FDXR: variants seen among roughly 807,000 people sequenced by gnomAD.
FDXR encodes the protein ferredoxin reductase.
Under a neutral mutation model 58.3 loss-of-function variants are expected in FDXR, and 38 were observed. That is an observed-to-expected ratio of 0.65 (90% CI 0.50 to 0.85). The LOEUF is 0.85. FDXR is among the 40% of genes least tolerant of loss of function. The probability of loss-of-function intolerance (pLI) is 0.00; values close to 1 mark genes in which losing one functional copy is unlikely to be tolerated. For synonymous variants in FDXR, 275 were observed against 273.8 expected (o/e 1.00, Z -0.04); for missense variants, 624 against 671.0 (o/e 0.93, Z 0.77).
chr17:74,866,866 G>T lies in FDXR; in HGVS notation c.188C>A (p.Ala63Asp). The stretch of plus-strand genomic sequence containing the variant: ...CTGTTTCTCGTAGATGTCCACGTGG[G>T]CCTGGGGGTGCTGCTGGGGAACAGG... ...TAQHLLKHPQ[A>D]HVDIYEKQPV... Residue 63 changes from alanine to aspartate, a missense_variant, in exon 3 of 12, where the codon GCC becomes GAC. Physicochemically the swap from Ala to Asp is moderately radical, Grantham distance 126. Transcript: ENST00000293195. The T allele has an allele frequency of 6.2e-7, 1 of 1,613,818 alleles. No individual in the cohort carries two copies. Among genetic ancestry groups the T allele is most frequent in the Non-Finnish European group, 8.5e-7 (1 of 1,179,920 alleles).
In FDXR at chr17:74,872,144, G is replaced by C; in HGVS notation, c.80-11C>G. The C allele has an allele frequency of 6.2e-7, 1 of 1,604,796 alleles. No individual in the cohort carries two copies. The highest frequency in any genetic ancestry group is 8.5e-7 in the Non-Finnish European group (1 of 1,174,880). ...AATGGTGGCAGAAGCCTGGGGCCAG[G>C]CAGAGGAGAGGGAAAAGGTCAAAAT... On this transcript the variant is annotated splice_polypyrimidine_tract_variant and intron_variant, in intron 1 of 11. Transcript: ENST00000293195.
chr17:74,865,670 C>T (rs772258205), intron 6 of FDXR, 49 bp downstream of exon 6: 2 of 1,336,036 alleles, frequency 1.5e-6, no homozygotes, highest in Non-Finnish European at 2.1e-6. Flanking sequence ...GCACTCTCTC[C>T]TCAGGGTGAC....
rs763331014 is a variant in FDXR at position 74,864,210 on chromosome 17, C to A, written c.940G>T (p.Val314Leu). 31 of 1,610,436 alleles carry A rather than the reference C, an allele frequency of 1.9e-5. No individual in the cohort carries two copies. The East Asian group carries it at 4.9e-4, about 26-fold the overall frequency. Residue 314 changes from valine to leucine, a missense_variant, in exon 9 of 12, where the codon GTG becomes TTG. Transcript: ENST00000293195. ...CGCCGCCCATCTGGTGAGGGCAGCA[C>A]CTGCTGGGGGCTTCGGAAAAAGCGG... is the stretch of plus-strand genomic sequence containing the variant. Reference protein sequence around the residue: ...GLRFFRSPQQVLPSPDGRRAA... With the variant: ...GLRFFRSPQQLLPSPDGRRAA...
intron 2 of FDXR, among the ~76,000 whole-genome samples, chr17:74,869,732 T>C (rs1293852747): frequency 6.6e-6 from 1 of 152,140 alleles, no homozygotes. Context: ...CCCCTCCACA[T>C]TCGAATGTCA....
chr17:74,868,864 G>A, intron 2 of FDXR: 1 of 904,880 alleles, frequency 1.1e-6, no homozygotes, highest in Non-Finnish European at 1.6e-6. Context: ...TCTCTCTCCT[G>A]CCCAGACATC....
chr17:74,865,051 C>T (rs2038126200), intron 6 of FDXR, 120 bp from the exon 7 acceptor site: 2 of 1,427,172 alleles, frequency 1.4e-6, no homozygotes, highest in African/African-American at 1.4e-5. Context: ...TGCGCCACTG[C>T]TCCCCCCTGG....
chr17:74,866,380 C>T lies in FDXR; in HGVS notation c.393+66G>A. On this transcript the variant is annotated intron_variant, in intron 4 of 11. Transcript: ENST00000293195. ...TCCTGGCCTCACCCCTGCTGCCTTC[C>T]ACCCCGAGCCACCGGCCTCCTTCTG... 6 of 1,593,422 alleles carry T rather than the reference C, an allele frequency of 3.8e-6. No individual in the cohort carries two copies. In the South Asian group the frequency reaches 4.5e-5, roughly 12 times the overall value.
chr17:74,870,505 A>C (rs1340723843), intron 2 of FDXR, among the ~76,000 whole-genome samples: 1 of 125,578 alleles, frequency 8.0e-6, no homozygotes, highest in East Asian at 2.3e-4. Flanking sequence ...CGACAGAGCC[A>C]GACTCCATCT....
At chr17:74,868,373 A>G (rs979969958) in intron 2 of FDXR, 1 of 669,854 alleles carries the variant, frequency 1.5e-6, no homozygotes, top group Non-Finnish European at 2.7e-6. Context: ...TAAATGAGTA[A>G]TCAGGCAGCC....
rs369277931 is a variant in FDXR at position 74,864,516 on chromosome 17, G to A, written c.766C>T (p.Pro256Ser). The A allele has an allele frequency of 5.4e-5, 87 of 1,614,112 alleles. No homozygotes were observed. Among genetic ancestry groups the A allele is most frequent in the Middle Eastern group, 5.0e-4 (3 of 6,060 alleles). Reference protein sequence around the residue: ...QLPGARPILDPVDFLGLQDKI... With the variant: ...QLPGARPILDSVDFLGLQDKI... Reference sequence around the variant, plus strand: ...TCCTGGAGACCCAAGAAATCCACAGGATCCAAAATGGGCCGGGCTCCCGGT... The same window carrying A: ...TCCTGGAGACCCAAGAAATCCACAGAATCCAAAATGGGCCGGGCTCCCGGT... The change falls in exon 8 of 12, where the codon CCT becomes TCT. Residue 256 changes from proline (P) to serine (S), a missense_variant. By Grantham distance (74) the Pro-to-Ser change is moderately conservative. Transcript: ENST00000293195.
Position 74,864,151 on chromosome 17 carries a change from C to T in FDXR, c.999G>A (p.Leu333=). Residue 333 remains leucine (L), a synonymous_variant, in exon 9 of 12, where the codon CTG becomes CTA. Coordinates refer to ENST00000293195, the MANE Select transcript of FDXR (RefSeq NM_024417.5). ...AAGVRLAVTR[L]EGVDEATRAV... is the part of the protein sequence containing the mutation. ...CTTTGGGAAACATGAGACTCACCTC[C>T]AGTCTAGTGACTGCTAGGCGGACAC... is the stretch of plus-strand genomic sequence containing the variant. 1 of 1,612,842 alleles carries T rather than the reference C, an allele frequency of 6.2e-7. No individual in the cohort carries two copies. Among genetic ancestry groups the T allele is most frequent in the Non-Finnish European group, 8.5e-7 (1 of 1,179,982 alleles).
chr17:74,872,400 T>C (rs1024905017), intron 1 of FDXR: 6 of 835,442 alleles, frequency 7.2e-6, no homozygotes, highest in Non-Finnish European at 9.2e-6. Flanking sequence ...CTTCATTCCC[T>C]ATCCAATCGG....
chr17:74,868,745 A>T, intron 2 of FDXR: 1 of 1,498,068 alleles, frequency 6.7e-7, no homozygotes. Flanking sequence ...GCTAACAAGG[A>T]CATTCTCTGA....
At position 74,868,857 on chromosome 17, in the gene FDXR, C is replaced by G. The variant is rs961586034; in HGVS notation, c.178-1981G>C. 5 of 992,904 alleles carry G rather than the reference C, an allele frequency of 5.0e-6. No individual in the cohort carries two copies. In the African/African-American group the frequency reaches 6.5e-5, roughly 13 times the overall value. The allele number at this position is 992,904 out of a possible 1,614,324, so 61.5% of individuals were successfully genotyped here. A position where few individuals can be genotyped will look rare whatever the true frequency, so the allele number is the denominator to read the frequency against. On this transcript the variant is annotated intron_variant, in intron 2 of 11. Transcript: ENST00000293195. Reference sequence around the variant, plus strand: ...ACTTGCTGATGACTTTCTACTCTCTCTCTCCTGCCCAGACATCTCCCCAAG... The same window carrying G: ...ACTTGCTGATGACTTTCTACTCTCTGTCTCCTGCCCAGACATCTCCCCAAG...
chr17:74,866,844 T>C lies in FDXR; in HGVS notation c.210A>G (p.Lys70=), dbSNP rs2038205168. 12 of 1,614,166 alleles carry C rather than the reference T, an allele frequency of 7.4e-6. No individual in the cohort carries two copies. Among genetic ancestry groups the C allele is most frequent in the Non-Finnish European group, 9.3e-6 (11 of 1,180,040 alleles). ...HPQAHVDIYE[K]QPVPFGLVRF... is the part of the protein sequence containing the mutation. ...GCACCAGGCCAAAGGGCACAGGCTG[T>C]TTCTCGTAGATGTCCACGTGGGCCT... Residue 70 remains lysine (K), a synonymous_variant, in exon 3 of 12, where the codon AAA becomes AAG. Transcript: ENST00000293195.
At position 74,863,960 on chromosome 17, in the gene FDXR, G is replaced by A. The variant is rs369116273; in HGVS notation, c.1110C>T (p.Ser370=). 126 of 1,613,942 alleles carry A rather than the reference G, an allele frequency of 7.8e-5. No homozygotes were observed. Among genetic ancestry groups the A allele is most frequent in the African/African-American group, 4.7e-4 (35 of 74,916 alleles). Residue 370 remains serine (S), a synonymous_variant, in exon 10 of 12, where the codon AGC becomes AGT. Transcript: ENST00000293195. ...CCCCAAGCTTGGAGTCAAAGGGCAC[G>A]CTTGGGTCGACAGGGCGGCTCTTAT... ...IGYKSRPVDP[S]VPFDSKLGVI...
chr17:74,872,035 C>T lies in FDXR; in HGVS notation c.177+1G>A. On this transcript the variant is annotated splice_donor_variant, in intron 2 of 11. Transcript: ENST00000293195. LOFTEE classifies it high-confidence loss of function. ...TGATGGACTATGAGTAAGTGGCTTA[C>T]CTTTAGCAGGTGTTGGGCCGTGTAG... 1.3e-6 allele frequency: 2 copies of T among 1,582,018 alleles called. No homozygotes were observed. The highest frequency in any genetic ancestry group is 1.7e-6 in the Non-Finnish European group (2 of 1,164,022).
At chr17:74,872,448 C>G (rs561323915) in intron 1 of FDXR, 1 of 664,582 alleles carries the variant, frequency 1.5e-6, no homozygotes, top group Non-Finnish European at 2.5e-6. Context: ...TCCATATCAT[C>G]CCAATCTCGC....
chr17:74,871,217 CAG>C (rs1285425250), intron 2 of FDXR, among the ~76,000 whole-genome samples: 1 of 152,238 alleles, frequency 6.6e-6, no homozygotes, highest in African/African-American at 2.4e-5. Context: ...CACTTTTCAG[CAG>C]AGTGATCAAC....
Sources: allele counts gnomAD v4.1 joint callset (sites outside exome capture counted in the v4.1 genomes callset), GRCh38; gene constraint gnomAD v4.1.1; transcripts MANE v1.5; gene names NCBI Gene and HGNC (gene_info 2026-07-23, HGNC 2026-07-21).